FBF1: variants seen among roughly 807,000 people sequenced by gnomAD.
FBF1 encodes fas-binding factor 1.
In FBF1, 119 loss-of-function variants were observed where a neutral mutation model predicts 147.2. The ratio of observed to expected loss-of-function variants is 0.81; its 90% CI spans 0.70 to 0.94. The LOEUF (loss-of-function observed/expected upper bound fraction) is 0.94. Among genes scored for constraint, FBF1 ranks in the 40% least tolerant of loss-of-function variants. FBF1 has a pLI of 0.00. For synonymous variants in FBF1, 601 were observed against 609.0 expected (o/e 0.99, Z 0.19); for missense variants, 1,449 against 1,500.8 (o/e 0.97, Z 0.57).
Position 75,918,335 on chromosome 17 carries a change from G to T in FBF1, c.2139-66C>A. Reference sequence around the variant, plus strand: ...GATCACCCTGATGCGGTAACTCCTTGTGGAAGGGTGTGTTTCCGTGCAGCC... The same window carrying T: ...GATCACCCTGATGCGGTAACTCCTTTTGGAAGGGTGTGTTTCCGTGCAGCC... On this transcript the variant is annotated intron_variant, in intron 20 of 29. Transcript: ENST00000636174. The surrounding 1 kb of genome is among the most constrained non-coding windows in gnomAD (Gnocchi z 5.8). 7.4e-7 allele frequency: 1 copy of T among 1,345,996 alleles called. No individual in the cohort carries two copies. The highest frequency in any genetic ancestry group is 1.0e-6 in the Non-Finnish European group (1 of 965,088). 83.4% of individuals were successfully genotyped at this position (1,345,996 alleles called of 1,614,324 possible). A position where few individuals can be genotyped will look rare whatever the true frequency, so the allele number is the denominator to read the frequency against.
intron 15 of FBF1, 137 bp from the exon 16 acceptor site, chr17:75,921,697 G>T (rs1239457119): frequency 1.5e-6 from 1 of 652,478 alleles, no homozygotes; most frequent in South Asian, 1.8e-5. Flanking sequence ...GGATGGGGCA[G>T]GGTGGGCAGC....
At position 75,919,325 on chromosome 17, in the gene FBF1, G is replaced by A. The variant is rs143000838; in HGVS notation, c.2138+343C>T. The stretch of plus-strand genomic sequence containing the variant: ...CTATAAACATGGCAGGCACAACAGC[G>A]CAAGCCTTTCCCAGGTGGATCTTGT... On this transcript the variant is annotated intron_variant, in intron 20 of 29. Coordinates refer to ENST00000636174, the MANE Select transcript of FBF1 (RefSeq NM_001319193.2). This position sits in a 1 kb window ranked among gnomAD's most constrained non-coding sequence, Gnocchi z 5.0. 6.2e-4 allele frequency among the ~76,000 whole-genome samples: 95 copies of A among 152,324 alleles called. No homozygotes were observed. In the Middle Eastern group the frequency reaches 0.017, roughly 27 times the overall value.
intron 4 of FBF1, among the ~76,000 whole-genome samples, chr17:75,935,331 A>AT (rs913101837): frequency 2.3e-4 from 35 of 151,162 alleles, no homozygotes; most frequent in Non-Finnish European, 4.1e-4. Flanking sequence ...TGCCCAGCTA[A>AT]TTTTTTTTTG....
At position 75,919,687 on chromosome 17, in the gene FBF1, G is replaced by A. The variant is rs769907227; in HGVS notation, c.2119C>T (p.Arg707Trp). 4 of 1,608,122 alleles carry A rather than the reference G, an allele frequency of 2.5e-6. No homozygotes were observed. Among genetic ancestry groups the A allele is most frequent in the East Asian group, 2.2e-5 (1 of 44,686 alleles). ...CCTCACCGCTGCAGCTCCCGGAGCC[G>A]CTCCATTTCCTGGTCCTTCTCCTGC... ...IAQEKDQEME[R>W]LRELQRASIL... Residue 707 changes from arginine (R) to tryptophan (W), a missense_variant, in exon 20 of 30, where the codon CGG becomes TGG. Coordinates refer to ENST00000636174, the MANE Select transcript of FBF1 (RefSeq NM_001319193.2). This position sits in a 1 kb window ranked among gnomAD's most constrained non-coding sequence, Gnocchi z 5.0.
In FBF1 at chr17:75,910,759, C is replaced by CAA; in HGVS notation, c.3410_3411insTT (p.Lys1137AsnfsTer2). The CAA allele has an allele frequency of 6.2e-7, 1 of 1,611,580 alleles. No individual in the cohort carries two copies. The highest frequency in any genetic ancestry group is 1.3e-5 in the African/African-American group (1 of 75,026). ...GAGATGTCAAATTGTAGGACCCTTT[C>CAA]TTCAGGGTCTCCAGGAAGAACTGTT... On this transcript the variant is annotated frameshift_variant, in exon 30 of 30. Coordinates refer to ENST00000636174, the MANE Select transcript of FBF1 (RefSeq NM_001319193.2). LOFTEE classifies it high-confidence loss of function. The surrounding 1 kb of genome is among the most constrained non-coding windows in gnomAD (Gnocchi z 4.1).
Position 75,919,660 on chromosome 17 carries a change from G to A in FBF1, c.2138+8C>T. On this transcript the variant is annotated splice_region_variant and intron_variant, in intron 20 of 29. Coordinates refer to ENST00000636174, the MANE Select transcript of FBF1 (RefSeq NM_001319193.2). This position sits in a 1 kb window ranked among gnomAD's most constrained non-coding sequence, Gnocchi z 5.0. ...CCTGCTCCCCAGCTGCCTGTCCCTG[G>A]GCCTCACCGCTGCAGCTCCCGGAGC... The A allele has an allele frequency of 6.3e-7, 1 of 1,588,718 alleles. No homozygotes were observed. The highest frequency in any genetic ancestry group is 8.5e-7 in the Non-Finnish European group (1 of 1,169,762).
rs1489006914 is a variant in FBF1 at position 75,938,161 on chromosome 17, C to T, written c.-12G>A. 2 of 1,613,608 alleles carry T rather than the reference C, an allele frequency of 1.2e-6. No homozygotes were observed. Among genetic ancestry groups the T allele is most frequent in the South Asian group, 1.1e-5 (1 of 90,994 alleles). On this transcript the variant is annotated 5_prime_UTR_variant, in exon 2 of 30. Transcript: ENST00000636174. ...ACTCTGCCTACCATCTCACGGCTCTCGGGGGTGCTCTCAGCTCCTTCACAG... is the reference window on the plus strand; with the variant it reads ...ACTCTGCCTACCATCTCACGGCTCTTGGGGGTGCTCTCAGCTCCTTCACAG...
chr17:75,920,006 C>T lies in FBF1; in HGVS notation c.1931+1G>A, dbSNP rs201971333. ...CAGAGCTGGGGCCAGCGCCAGGGTA[C>T]CTGTGTGCACTCTCGATGAGCTCCA... On this transcript the variant is annotated splice_donor_variant, in intron 19 of 29. Transcript: ENST00000636174. LOFTEE classifies it high-confidence loss of function. The T allele has an allele frequency of 6.2e-7, 1 of 1,608,244 alleles. No individual in the cohort carries two copies. The highest frequency in any genetic ancestry group is 1.3e-5 in the African/African-American group (1 of 74,794).
In FBF1 at chr17:75,915,147, G is replaced by A; in HGVS notation, c.2506-8C>T. On this transcript the variant is annotated splice_polypyrimidine_tract_variant and splice_region_variant and intron_variant, in intron 23 of 29. Transcript: ENST00000636174. ...AGTCACCCGCCAGCGTTCCTGTAGG[G>A]CCCAGGGCAGGACTGAGAGCGTGGT... is the stretch of plus-strand genomic sequence containing the variant. 1 of 1,606,842 alleles carries A rather than the reference G, an allele frequency of 6.2e-7. No homozygotes were observed. Among genetic ancestry groups the A allele is most frequent in the Non-Finnish European group, 8.5e-7 (1 of 1,179,050 alleles).
rs530467580 is a variant in FBF1 at position 75,925,860 on chromosome 17, GTCACGGTAAGTATTATT to G, written c.868+153_868+169del. 2.0e-5 allele frequency among the ~76,000 whole-genome samples: 3 copies of G among 152,334 alleles called. No individual in the cohort carries two copies. Among genetic ancestry groups the G allele is most frequent in the East Asian group, 3.9e-4 (2 of 5,188 alleles). On this transcript the variant is annotated intron_variant, in intron 12 of 29. Coordinates refer to ENST00000636174, the MANE Select transcript of FBF1 (RefSeq NM_001319193.2). This position sits in a 1 kb window ranked among gnomAD's most constrained non-coding sequence, Gnocchi z 5.0. ...CATAGACAACTGAGCACGAACAGTG[GTCACGGTAAGTATTATT>G]TCACGGTAAGTATTATTTTGTCTCA...
In FBF1 at chr17:75,915,136, G is replaced by T; in HGVS notation, c.2509C>A (p.Arg837Ser). The change falls in exon 24 of 30, where the codon CGC becomes AGC. Residue 837 changes from arginine to serine, a missense_variant. By Grantham distance (110) the Arg-to-Ser change is moderately radical. Transcript: ENST00000636174. The part of the protein sequence containing the change: ...NEQSRLLEQE[R>S]WRVTAEQSKA... ...GACTGCTCGGCAGTCACCCGCCAGC[G>T]TTCCTGTAGGGCCCAGGGCAGGACT... The T allele has an allele frequency of 4.4e-6, 7 of 1,608,964 alleles. No homozygotes were observed. The South Asian group carries it at 7.7e-5, about 18-fold the overall frequency.
At position 75,910,534 on chromosome 17, in the gene FBF1, C is replaced by T; in HGVS notation, c.*189G>A. ...TAAGATAGCCTACACCACAGAGCCC[C>T]AGAGGCAGGGGCTGCCCCGGGCTGG... On this transcript the variant is annotated 3_prime_UTR_variant, in exon 30 of 30. Coordinates refer to ENST00000636174, the MANE Select transcript of FBF1 (RefSeq NM_001319193.2). This position sits in a 1 kb window ranked among gnomAD's most constrained non-coding sequence, Gnocchi z 4.1. 1 of 588,938 alleles carries T rather than the reference C, an allele frequency of 1.7e-6. No individual in the cohort carries two copies. Among genetic ancestry groups the T allele is most frequent in the Non-Finnish European group, 3.0e-6 (1 of 331,934 alleles). 36.5% of individuals were successfully genotyped at this position (588,938 alleles called of 1,614,324 possible). A position where few individuals can be genotyped will look rare whatever the true frequency, so the allele number is the denominator to read the frequency against.
Position 75,926,412 on chromosome 17 carries a change from G to A in FBF1, c.610C>T (p.Leu204=), listed in dbSNP as rs540055202. The A allele has an allele frequency of 6.4e-7, 1 of 1,572,152 alleles. No homozygotes were observed. Among genetic ancestry groups the A allele is most frequent in the Non-Finnish European group, 8.6e-7 (1 of 1,161,332 alleles). Reference sequence around the variant, plus strand: ...CGGATGGGGGTGTCCCCAGGAGTTAGAGGAATAGAGGGACCTGAAAGACAA... The same window carrying A: ...CGGATGGGGGTGTCCCCAGGAGTTAAAGGAATAGAGGGACCTGAAAGACAA... ...TVRDQGPSIP[L]TPGDTPIRKK... Residue 204 remains leucine (L), a synonymous_variant, in exon 11 of 30, where the codon CTA becomes TTA. Transcript: ENST00000636174.
In FBF1 at chr17:75,922,022, C is replaced by T. The variant is rs1333575230; in HGVS notation, c.1449G>A (p.Gly483=). The change falls in exon 15 of 30, where the codon GGG becomes GGA. Residue 483 remains glycine, a synonymous_variant. Coordinates refer to ENST00000636174, the MANE Select transcript of FBF1 (RefSeq NM_001319193.2). The surrounding 1 kb of genome is among the most constrained non-coding windows in gnomAD (Gnocchi z 5.0). ...TCCCTCCAGCAGCTGCGTGCTCAAGCCCTTGTGTGCTGGTGAGAGGTTGGC... is the reference window on the plus strand; with the variant it reads ...TCCCTCCAGCAGCTGCGTGCTCAAGTCCTTGTGTGCTGGTGAGAGGTTGGC... ...SGSQPLTSTQ[G]LEHAAAGGSS... 1 of 1,551,840 alleles carries T rather than the reference C, an allele frequency of 6.4e-7. No individual in the cohort carries two copies. The highest frequency in any genetic ancestry group is 8.7e-7 in the Non-Finnish European group (1 of 1,147,052).
chr17:75,938,054 G>C, intron 2 of FBF1, 93 bp downstream of exon 2: 2 of 1,564,692 alleles, frequency 1.3e-6, no homozygotes, highest in Non-Finnish European at 1.7e-6. Context: ...TTGCCGCCCA[G>C]CCCCCAGAGT....
rs767631656 is a variant in FBF1 at position 75,913,773 on chromosome 17, C to G, written c.3176G>C (p.Arg1059Pro). 4 of 1,605,280 alleles carry G rather than the reference C, an allele frequency of 2.5e-6. No individual in the cohort carries two copies. In the African/African-American group the frequency reaches 5.3e-5, roughly 21 times the overall value. The change falls in exon 28 of 30, where the codon CGA (arginine) becomes CCA (proline). Residue 1059 changes from arginine to proline, a missense_variant. Transcript: ENST00000636174. ...CACGAGGCTAGAGGGCAGGTCCTGTCGTGCGCGGTCCAGTTGCAGCCTCTG... is the reference window on the plus strand; with the variant it reads ...CACGAGGCTAGAGGGCAGGTCCTGTGGTGCGCGGTCCAGTTGCAGCCTCTG... ...AQQRLQLDRA[R>P]QDLPSSLVGL... is the part of the protein sequence containing the mutation.
chr17:75,913,774 G>C lies in FBF1; in HGVS notation c.3175C>G (p.Arg1059Gly). Residue 1059 changes from arginine to glycine, a missense_variant, in exon 28 of 30, where the codon CGA (arginine) becomes GGA (glycine). Transcript: ENST00000636174. ...AQQRLQLDRA[R>G]QDLPSSLVGL... Reference sequence around the variant, plus strand: ...ACGAGGCTAGAGGGCAGGTCCTGTCGTGCGCGGTCCAGTTGCAGCCTCTGC... The same window carrying C: ...ACGAGGCTAGAGGGCAGGTCCTGTCCTGCGCGGTCCAGTTGCAGCCTCTGC... 1 of 1,605,544 alleles carries C rather than the reference G, an allele frequency of 6.2e-7. No individual in the cohort carries two copies. The highest frequency in any genetic ancestry group is 8.5e-7 in the Non-Finnish European group (1 of 1,179,402).
Position 75,910,619 on chromosome 17 carries a change from G to A in FBF1, c.*104C>T. ...CGGAAGAGCTGTCATCAGGCCTCAA[G>A]CATCTCAGAATCCTCCCCAGGCACT... On this transcript the variant is annotated 3_prime_UTR_variant, in exon 30 of 30. Coordinates refer to ENST00000636174, the MANE Select transcript of FBF1 (RefSeq NM_001319193.2). The surrounding 1 kb of genome is among the most constrained non-coding windows in gnomAD (Gnocchi z 4.1). 1 of 976,138 alleles carries A rather than the reference G, an allele frequency of 1.0e-6. No homozygotes were observed. Among genetic ancestry groups the A allele is most frequent in the Non-Finnish European group, 1.6e-6 (1 of 642,942 alleles). 60.5% of individuals were successfully genotyped at this position (976,138 alleles called of 1,614,324 possible).
In FBF1 at chr17:75,933,068, C is replaced by G; in HGVS notation, c.94G>C (p.Val32Leu). 2 of 1,605,300 alleles carry G rather than the reference C, an allele frequency of 1.2e-6. No homozygotes were observed. The highest frequency in any genetic ancestry group is 1.7e-6 in the Non-Finnish European group (2 of 1,172,934). ...GDDMTLPEKP[V>L]KLASHTRDTT... ...TCTCTGGTATGTGAAGCTAGTTTAA[C>G]AGGCTTCTCAGGTAGTGTCACTGGA... The change falls in exon 5 of 30, where the codon GTT (valine) becomes CTT (leucine). Residue 32 changes from valine (V) to leucine (L), a missense_variant. Transcript: ENST00000636174.
Sources: allele counts gnomAD v4.1 joint callset (sites outside exome capture counted in the v4.1 genomes callset), GRCh38; gene constraint gnomAD v4.1.1; non-coding constraint Gnocchi (gnomAD v3.1); transcripts MANE v1.5; gene names NCBI Gene and HGNC (gene_info 2026-07-23, HGNC 2026-07-21).